The following RABEP1 variants were observed in gnomAD, a reference collection of about 807,000 sequenced individuals.
The protein encoded by RABEP1 is rabaptin, RAB GTPase binding effector protein 1.
A neutral mutation model predicts 123.4 loss-of-function variants in RABEP1; 51 were observed. That is an observed-to-expected ratio of 0.41 (90% CI 0.33 to 0.52). The LOEUF is 0.52. Among genes scored for constraint, RABEP1 ranks in the 20% least tolerant of loss-of-function variants. RABEP1 has a pLI of 0.16. For synonymous variants in RABEP1, 347 were observed against 355.2 expected (o/e 0.98, Z 0.26); for missense variants, 888 against 996.3 (o/e 0.89, Z 1.46).
intron 1 of RABEP1, among the ~76,000 whole-genome samples, chr17:5,293,343 A>G (rs895027896): frequency 2.0e-5 from 3 of 152,062 alleles, no homozygotes; most frequent in Non-Finnish European, 1.5e-5. Flanking sequence ...CTCTTTGTAT[A>G]TAATATCTTC....
At chr17:5,303,583 A>G (rs1212238379) in intron 1 of RABEP1, among the ~76,000 whole-genome samples, 3 of 152,204 alleles carry the variant, frequency 2.0e-5, no homozygotes, top group African/African-American at 2.4e-5. Flanking sequence ...AAGATAAGAC[A>G]TATGAGTTTT....
intron 2 of RABEP1, among the ~76,000 whole-genome samples, chr17:5,324,059 T>C: frequency 6.6e-6 from 1 of 151,818 alleles, no homozygotes; most frequent in East Asian, 1.9e-4. Context: ...AAAATACCAA[T>C]GACATTTTTC....
At chr17:5,299,731 C>CTTTTTTTTT (rs1171650180) in intron 1 of RABEP1, among the ~76,000 whole-genome samples, 2 of 96,858 alleles carry the variant, frequency 2.1e-5, no homozygotes, top group African/African-American at 4.6e-5. Flanking sequence ...TTTTCTTTTT[C>CTTTTTTTTT]TTTTTTTTTT....
intron 1 of RABEP1, among the ~76,000 whole-genome samples, chr17:5,291,931 A>G (rs1186027589): frequency 6.6e-6 from 1 of 152,200 alleles, no homozygotes; most frequent in African/African-American, 2.4e-5. Flanking sequence ...CTGATTCATC[A>G]TATAAATGTA....
rs372513782 is a variant in RABEP1, at chr17:5,373,332, C to T, written c.1903C>T (p.Arg635Trp). The change falls in exon 13 of 18, where the codon CGG becomes TGG. Residue 635 changes from arginine (R) to tryptophan (W), a missense_variant. Coordinates refer to ENST00000537505, the MANE Select transcript of RABEP1 (RefSeq NM_004703.6). ...ATTTTAGGCGGTGCTGATGCAGTCA[C>T]GGGAACAGGTTTCAGAAGAGCTGGT... ...QEQMAVLMQS[R>W]EQVSEELVRL... 20 of 1,612,818 alleles carry T rather than the reference C, an allele frequency of 1.2e-5. No individual in the cohort carries two copies. Among genetic ancestry groups the T allele is most frequent in the African/African-American group, 5.4e-5 (4 of 74,648 alleles).
At chr17:5,321,936 C>T (rs529809318) in intron 2 of RABEP1, among the ~76,000 whole-genome samples, 17 of 152,292 alleles carry the variant, frequency 1.1e-4, no homozygotes, top group African/African-American at 3.4e-4. Flanking sequence ...CGGTGGCTCA[C>T]GCCTCTAATC....
At chr17:5,343,627 C>CTCCACCTTG (rs1907802850) in intron 5 of RABEP1, among the ~76,000 whole-genome samples, 1 of 151,088 alleles carries the variant, frequency 6.6e-6, no homozygotes, top group Non-Finnish European at 1.5e-5. Context: ...GACCCACTCT[C>CTCCACCTTG]TCCACCTTGT....
intron 12 of RABEP1, among the ~76,000 whole-genome samples, chr17:5,371,006 G>C (rs897462582): frequency 1.3e-5 from 2 of 150,006 alleles, no homozygotes; most frequent in Non-Finnish European, 3.0e-5. Context: ...TTGCTCTGTC[G>C]CCCAGGTTGG....
intron 1 of RABEP1, among the ~76,000 whole-genome samples, chr17:5,293,323 C>A (rs1037788877): frequency 4.6e-5 from 7 of 152,046 alleles, no homozygotes; most frequent in African/African-American, 7.2e-5. Context: ...ATCTTTCTCT[C>A]TATATATATC....
chr17:5,375,099 C>CTTT (rs529411322), intron 13 of RABEP1, among the ~76,000 whole-genome samples: 3 of 125,830 alleles, frequency 2.4e-5, no homozygotes, highest in Admixed American at 7.8e-5. Flanking sequence ...ATACCTGTTT[C>CTTT]TTTTTTTTTT....
At chr17:5,284,762 G>C (rs1007621117) in intron 1 of RABEP1, among the ~76,000 whole-genome samples, 1 of 151,834 alleles carries the variant, frequency 6.6e-6, no homozygotes, top group Non-Finnish European at 1.5e-5. Flanking sequence ...CCGTGAGTCC[G>C]GCTTTTGGGG....
chr17:5,311,737 A>G (rs1000030758), intron 2 of RABEP1, among the ~76,000 whole-genome samples: 2 of 150,854 alleles, frequency 1.3e-5, no homozygotes, highest in African/African-American at 4.9e-5. Flanking sequence ...AAAAAATAGG[A>G]AAATATAAAA....
chr17:5,380,614 C>T (rs3026108), intron 16 of RABEP1, 152 bp downstream of exon 16: 49,994 of 700,840 alleles, frequency 0.071, 2,060 homozygotes, highest in Middle Eastern at 0.11. Context: ...AAAACTTAAA[C>T]GAATTGATCT....
At chr17:5,291,351 G>A (rs2075031458) in intron 1 of RABEP1, among the ~76,000 whole-genome samples, 1 of 152,160 alleles carries the variant, frequency 6.6e-6, no homozygotes, top group African/African-American at 2.4e-5. Context: ...CTAAGAGGTT[G>A]TAGTGAGCCA....
At chr17:5,331,805 C>T in intron 2 of RABEP1, 144 bp from the exon 3 acceptor site, 2 of 692,062 alleles carry the variant, frequency 2.9e-6, no homozygotes, top group East Asian at 5.5e-5. Context: ...ATTTGTGATA[C>T]CCAGCTTACC....
At chr17:5,362,026 A>T in intron 9 of RABEP1, 1 of 199,262 alleles carries the variant, frequency 5.0e-6, no homozygotes, top group Non-Finnish European at 1.0e-5. Context: ...AGTGTATTGC[A>T]GGATCCAGGC....
At chr17:5,352,201 C>CT (rs1194425470) in intron 7 of RABEP1, among the ~76,000 whole-genome samples, 2 of 145,080 alleles carry the variant, frequency 1.4e-5, no homozygotes, top group Non-Finnish European at 1.5e-5. Context: ...TTTTTTTTTT[C>CT]TTTTTTTTGA....
intron 10 of RABEP1, among the ~76,000 whole-genome samples, chr17:5,363,244 A>G (rs1166753337): frequency 4.3e-5 from 6 of 139,560 alleles, no homozygotes; most frequent in Non-Finnish European, 7.7e-5. Context: ...TTTTTTTGAG[A>G]GGGGGTCTCG....
rs750489328 is a variant in RABEP1 at position 5,335,311 on chromosome 17, AGAG to A, written c.501_503del (p.Glu168del). 4.3e-6 allele frequency: 7 copies of A among 1,613,616 alleles called. No individual in the cohort carries two copies. Among genetic ancestry groups the A allele is most frequent in the Non-Finnish European group, 5.9e-6 (7 of 1,179,768 alleles). ...TAAGAAGAAGGCTGTCTGAAGGTCA[AGAG>A]GAGGAAAATTTAGAAAATGAAATGA... is the stretch of plus-strand genomic sequence containing the variant. On this transcript the variant is annotated inframe_deletion, in exon 4 of 18. Coordinates refer to ENST00000537505, the MANE Select transcript of RABEP1 (RefSeq NM_004703.6).
Sources: gnomAD v4.1 joint callset for allele counts (sites outside exome capture counted in the v4.1 genomes callset) on GRCh38, gnomAD v4.1.1 for gene constraint, MANE v1.5 for transcripts, NCBI Gene and HGNC (gene_info 2026-07-23, HGNC 2026-07-21) for gene names.